The following ABCC3 variants were observed in gnomAD, a reference collection of about 807,000 sequenced individuals.
The protein encoded by ABCC3 is ATP-binding cassette sub-family C member 3.
ABCC3 carries 121 observed loss-of-function variants against 165.3 expected under a neutral mutation model. The ratio of observed to expected loss-of-function variants is 0.73; its 90% CI spans 0.63 to 0.85. ABCC3 has a LOEUF of 0.85. Among genes scored for constraint, ABCC3 ranks in the 40% least tolerant of loss-of-function variants. ABCC3 has a pLI of 0.00. For missense variants in ABCC3, 1,869 were observed against 1,964.1 expected (o/e 0.95, Z 0.92); for synonymous variants, 733 against 810.1 (o/e 0.90, Z 1.62).
intron 8 of ABCC3, chr17:50,663,454 G>A: frequency 1.7e-6 from 1 of 576,578 alleles, no homozygotes; most frequent in Non-Finnish European, 3.1e-6. Context: ...AGGGCGTGCA[G>A]CAGGGTCCAT....
At position 50,661,231 on chromosome 17, in the gene ABCC3, T is replaced by C. The variant is rs1006038809; in HGVS notation, c.998+117T>C. 8 of 1,098,626 alleles carry C rather than the reference T, an allele frequency of 7.3e-6. No homozygotes were observed. The African/African-American group carries it at 1.3e-4, about 17-fold the overall frequency. 68.1% of individuals were successfully genotyped at this position (1,098,626 alleles called of 1,614,324 possible). A position where few individuals can be genotyped will look rare whatever the true frequency, so the allele number is the denominator to read the frequency against. On this transcript the variant is annotated intron_variant, in intron 8 of 30. Transcript: ENST00000285238. The stretch of plus-strand genomic sequence containing the variant: ...ACCCCAGACCAGGAACCAGGGAGGC[T>C]AGCTCCACTTTCTGTGTGACCTTTG...
Position 50,656,765 on chromosome 17 carries a change from G to C in ABCC3, c.286G>C (p.Val96Leu), listed in dbSNP as rs1386308464. 3 of 1,614,038 alleles carry C rather than the reference G, an allele frequency of 1.9e-6. No homozygotes were observed. Among genetic ancestry groups the C allele is most frequent in the Admixed American group, 3.3e-5 (2 of 59,984 alleles). Residue 96 changes from valine (V) to leucine (L), a missense_variant, in exon 3 of 31, where the codon GTC (valine) becomes CTC (leucine). Val to Leu is a conservative substitution (Grantham distance 32, BLOSUM62 1). Coordinates refer to ENST00000285238, the MANE Select transcript of ABCC3 (RefSeq NM_003786.4). ...ADLFYSFHGL[V>L]HGRAPAPVFF... Reference sequence around the variant, plus strand: ...CCTTTTTTACTCCTTCCATGGCCTGGTCCATGGCCGGGCCCCTGCCCCTGT... The same window carrying C: ...CCTTTTTTACTCCTTCCATGGCCTGCTCCATGGCCGGGCCCCTGCCCCTGT...
At chr17:50,659,890 G>A (rs1428650566) in intron 7 of ABCC3, among the ~76,000 whole-genome samples, 1 of 152,196 alleles carries the variant, frequency 6.6e-6, no homozygotes, top group Non-Finnish European at 1.5e-5. Flanking sequence ...AGAGGCTGAG[G>A]TGGGAGGATC....
intron 8 of ABCC3, among the ~76,000 whole-genome samples, chr17:50,662,657 AAG>A (rs386386243): frequency 6.1e-5 from 9 of 147,742 alleles, no homozygotes; most frequent in Admixed American, 3.4e-4. Flanking sequence ...AAAAAAAAAA[AAG>A]AGAGAGAGAG....
At chr17:50,666,137 G>C (rs1967522952) in intron 11 of ABCC3, among the ~76,000 whole-genome samples, 1 of 152,054 alleles carries the variant, frequency 6.6e-6, no homozygotes, top group African/African-American at 2.4e-5. Flanking sequence ...TCCCCCTCTT[G>C]CCTGCCTAAC....
At chr17:50,635,128 G>A in intron 1 of ABCC3, 147 bp downstream of exon 1, 2 of 896,256 alleles carry the variant, frequency 2.2e-6, no homozygotes, top group Non-Finnish European at 3.0e-6. Context: ...GGGGCGATGG[G>A]CTCGGGAGGG....
intron 1 of ABCC3, among the ~76,000 whole-genome samples, chr17:50,643,834 G>T (rs1329567534): frequency 6.6e-6 from 1 of 151,054 alleles, no homozygotes; most frequent in Non-Finnish European, 1.5e-5. Context: ...AAGGAGGTGG[G>T]AGGAGATGCC....
chr17:50,662,313 G>A (rs71381316), intron 8 of ABCC3: 4 of 152,512 alleles, frequency 2.6e-5, no homozygotes, highest in African/African-American at 4.8e-5. Context: ...GTGGGAGGAG[G>A]AGGCTGGGTG....
At chr17:50,656,674 C>G in intron 2 of ABCC3, 28 bp from the exon 3 acceptor site, 1 of 1,594,354 alleles carries the variant, frequency 6.3e-7, no homozygotes, top group Non-Finnish European at 8.5e-7. Flanking sequence ...TCTGGGGATG[C>G]GGATTCCAAC....
At position 50,658,462 on chromosome 17, in the gene ABCC3, T is replaced by C; in HGVS notation, c.640T>C (p.Phe214Leu). The change falls in exon 6 of 31, where the codon TTT (phenylalanine) becomes CTT (leucine). Residue 214 changes from phenylalanine (F) to leucine (L), a missense_variant. Coordinates refer to ENST00000285238, the MANE Select transcript of ABCC3 (RefSeq NM_003786.4). ...CCCCTACCCTGAGACCAGCGCTGGC[T>C]TTCTCTCCCGCCTGTTTTTCTGGTG... ...PNPYPETSAG[F>L]LSRLFFWWFT... 1 of 1,614,142 alleles carries C rather than the reference T, an allele frequency of 6.2e-7. No homozygotes were observed. Among genetic ancestry groups the C allele is most frequent in the Non-Finnish European group, 8.5e-7 (1 of 1,179,998 alleles).
intron 1 of ABCC3, among the ~76,000 whole-genome samples, chr17:50,645,284 G>A (rs1413039682): frequency 7.0e-6 from 1 of 143,586 alleles, no homozygotes; most frequent in Non-Finnish European, 1.5e-5. Flanking sequence ...TGAGGCACGA[G>A]AATCACTTGA....
intron 26 of ABCC3, 73 bp from the exon 27 acceptor site, chr17:50,683,537 G>T: frequency 1.4e-6 from 2 of 1,453,364 alleles, no homozygotes; most frequent in Non-Finnish European, 1.8e-6. Context: ...AGGGGCCTTG[G>T]GGGAGAGAGA....
chr17:50,663,923 A>G (rs890638992), intron 9 of ABCC3, 27 bp from the exon 10 acceptor site: 20 of 1,614,230 alleles, frequency 1.2e-5, no homozygotes, highest in Non-Finnish European at 1.7e-5. Flanking sequence ...CTCGCAGCCA[A>G]GTCCACCCAC....
In ABCC3 at chr17:50,662,857, G is replaced by A. The variant is rs1597850848; in HGVS notation, c.999-824G>A. Among the ~76,000 whole-genome samples the A allele has an allele frequency of 2.6e-5, 4 of 152,220 alleles. No homozygotes were observed. In the South Asian group the frequency reaches 8.3e-4, roughly 32 times the overall value. ...CTGGAGGGCTCCATGTAGTCGAGAG[G>A]AGAGTGTCCCAACAATGAAGAGACT... On this transcript the variant is annotated intron_variant, in intron 8 of 30. Coordinates refer to ENST00000285238, the MANE Select transcript of ABCC3 (RefSeq NM_003786.4).
At chr17:50,664,293 G>A (rs1027620876) in intron 10 of ABCC3, 182 bp downstream of exon 10, 7 of 712,564 alleles carry the variant, frequency 9.8e-6, no homozygotes, top group African/African-American at 3.6e-5. Flanking sequence ...TTGTGCCTGC[G>A]AATAGCCACC....
chr17:50,685,017 C>A (rs1967998628), intron 29 of ABCC3, 142 bp downstream of exon 29: 1 of 959,682 alleles, frequency 1.0e-6, no homozygotes, highest in Non-Finnish European at 1.5e-6. Context: ...TGAGCATATT[C>A]CGTGTGCCAG....
intron 25 of ABCC3, 78 bp downstream of exon 25, chr17:50,678,297 G>T (rs981802004): frequency 1.5e-5 from 22 of 1,450,816 alleles, no homozygotes; most frequent in Non-Finnish European, 1.9e-5. Context: ...TCTCCCGAGT[G>T]CCCCTCCCTG....
intron 1 of ABCC3, among the ~76,000 whole-genome samples, chr17:50,647,974 GGTTGCTGTGAGCTGAGATCACACCACT>G: frequency 6.6e-6 from 1 of 152,224 alleles, no homozygotes; most frequent in South Asian, 2.1e-4. Context: ...CAGAGGCGGA[GGTTGCTGTGAGCTGAGATCACACCACT>G]GCACACCAGC....
chr17:50,655,481 G>A (rs2146604041), intron 1 of ABCC3, among the ~76,000 whole-genome samples: 1 of 151,836 alleles, frequency 6.6e-6, no homozygotes, highest in African/African-American at 2.4e-5. Flanking sequence ...AGCCTGGGAG[G>A]GATGAACTGC....
Sources: gnomAD v4.1 joint callset for allele counts (sites outside exome capture counted in the v4.1 genomes callset) on GRCh38, gnomAD v4.1.1 for gene constraint, MANE v1.5 for transcripts, NCBI Gene and HGNC (gene_info 2026-07-23, HGNC 2026-07-21) for gene names.